Variants in PRORP observed in about 807,000 individuals in gnomAD.
PRORP encodes mitochondrial ribonuclease P catalytic subunit.
In PRORP, 51 loss-of-function variants were observed where a neutral mutation model predicts 59.4. The ratio of observed to expected loss-of-function variants is 0.86; its 90% CI spans 0.69 to 1.08. PRORP has a LOEUF of 1.08. Among genes scored for constraint, PRORP ranks in the 50% least tolerant of loss-of-function variants. PRORP has a pLI of 0.00. For synonymous variants in PRORP, 231 were observed against 245.6 expected (o/e 0.94, Z 0.55); for missense variants, 646 against 690.3 (o/e 0.94, Z 0.72).
intron 4 of PRORP, among the ~76,000 whole-genome samples, chr14:35,170,835 T>C (rs2048296261): frequency 6.6e-6 from 1 of 152,138 alleles, no homozygotes; most frequent in African/African-American, 2.4e-5. Context: ...CATTTCTTTC[T>C]TTCTTTTCTT....
chr14:35,171,163 T>C lies in PRORP; in HGVS notation c.1168-9507T>C, dbSNP rs533280612. Among the ~76,000 whole-genome samples, 5 of 152,274 alleles carry C rather than the reference T, an allele frequency of 3.3e-5. No homozygotes were observed. The South Asian group carries it at 1.0e-3, about 32-fold the overall frequency. ...TGCACCTAGCCTTCTTTCTTTTTTGTAGAGACAGTATCTTGCTGTGTTGCC... is the reference window on the plus strand; with the variant it reads ...TGCACCTAGCCTTCTTTCTTTTTTGCAGAGACAGTATCTTGCTGTGTTGCC... On this transcript the variant is annotated intron_variant, in intron 4 of 7. Coordinates refer to ENST00000534898, the MANE Select transcript of PRORP (RefSeq NM_014672.4).
chr14:35,163,346 C>T lies in PRORP; in HGVS notation c.1168-17324C>T, dbSNP rs59744086. ...CACTCTATTTTAGTTCTGTTTATTT[C>T]TCCCTGAAATGCTGGTTGCAACTGT... On this transcript the variant is annotated intron_variant, in intron 4 of 7. Transcript: ENST00000534898. Among the ~76,000 whole-genome samples the T allele has an allele frequency of 0.019, 2,896 of 152,046 alleles. 290 individuals carry two copies. The East Asian group carries it at 0.32, about 17-fold the overall frequency.
In PRORP at chr14:35,123,976, A is replaced by G. The variant is rs373716530; in HGVS notation, c.731A>G (p.Lys244Arg). 3 of 1,614,048 alleles carry G rather than the reference A, an allele frequency of 1.9e-6. No homozygotes were observed. The African/African-American group carries it at 4.0e-5, about 22-fold the overall frequency. The part of the protein sequence containing the change: ...EDIKKVITPS[K>R]KNYNDCIQGA... The stretch of plus-strand genomic sequence containing the variant: ...ATCAAAAAAGTTATAACTCCTTCAA[A>G]AAAGAACTATAATGACTGTATCCAG... Residue 244 changes from lysine (K) to arginine (R), a missense_variant, in exon 2 of 8, where the codon AAA becomes AGA. Transcript: ENST00000534898.
At chr14:35,176,062 A>G (rs12896940) in intron 4 of PRORP, among the ~76,000 whole-genome samples, 22,610 of 152,028 alleles carry the variant, frequency 0.15, 1,984 homozygotes, top group Non-Finnish European at 0.2. Context: ...GATAAGCGGC[A>G]TTATTTCTGA....
At position 35,123,671 on chromosome 14, in the gene PRORP, T is replaced by C. The variant is rs750804324; in HGVS notation, c.426T>C (p.Ser142=). Reference sequence around the variant, plus strand: ...ACACCGGAAAGACCAGTTTCGAAAGTTGGATCATTTCACAGATGGCTGGCT... The same window carrying C: ...ACACCGGAAAGACCAGTTTCGAAAGCTGGATCATTTCACAGATGGCTGGCT... The part of the protein sequence containing the change: ...KENTGKTSFE[S]WIISQMAGCH... Residue 142 remains serine (S), a synonymous_variant, in exon 2 of 8, where the codon AGT becomes AGC. Transcript: ENST00000534898. 1.2e-6 allele frequency: 2 copies of C among 1,614,196 alleles called. No homozygotes were observed. The highest frequency in any genetic ancestry group is 1.6e-4 in the Middle Eastern group (1 of 6,062).
intron 5 of PRORP, among the ~76,000 whole-genome samples, chr14:35,214,499 GGTTATATAA>G (rs1236483399): frequency 2.6e-5 from 4 of 152,160 alleles, no homozygotes; most frequent in Non-Finnish European, 4.4e-5. Context: ...GAGGTTGTGT[GGTTATATAA>G]GTTATCTATT....
chr14:35,180,781 A>T lies in PRORP; in HGVS notation c.1275+4A>T. ...TAAAGTTCGTGAATCTCAACTTGTAAGTATAAGTTTTACTTTGTTATTCCA... is the reference window on the plus strand; with the variant it reads ...TAAAGTTCGTGAATCTCAACTTGTATGTATAAGTTTTACTTTGTTATTCCA... On this transcript the variant is annotated splice_donor_region_variant and intron_variant, in intron 5 of 7. Transcript: ENST00000534898. 6.4e-7 allele frequency: 1 copy of T among 1,554,252 alleles called. No individual in the cohort carries two copies. Among genetic ancestry groups the T allele is most frequent in the Non-Finnish European group, 8.9e-7 (1 of 1,126,882 alleles).
intron 5 of PRORP, chr14:35,262,593 A>G: frequency 1.4e-6 from 1 of 720,004 alleles, no homozygotes. Context: ...GTGTAGATTC[A>G]GTCTTCTTGG....
At chr14:35,147,034 G>A (rs2047629143) in intron 4 of PRORP, among the ~76,000 whole-genome samples, 2 of 152,092 alleles carry the variant, frequency 1.3e-5, no homozygotes, top group South Asian at 2.1e-4. Flanking sequence ...GGAGTTCAAG[G>A]TTACAATGAG....
In PRORP at chr14:35,122,919, A is replaced by C. The variant is rs150866029; in HGVS notation, c.-294-33A>C. ...GGACAGCTGTGATCCACGTGAGTAA[A>C]ACTGGGCGTTCCGTCTTGTGCTTTT... On this transcript the variant is annotated intron_variant, in intron 1 of 7. Transcript: ENST00000534898. 1.8e-3 allele frequency: 460 copies of C among 253,158 alleles called. 3 individuals are homozygous for C. The highest frequency in any genetic ancestry group is 9.8e-3 in the African/African-American group (448 of 45,528). The allele number at this position is 253,158 out of a possible 1,614,324, so 15.7% of individuals were successfully genotyped here.
chr14:35,150,672 A>G (rs1348431379), intron 4 of PRORP, among the ~76,000 whole-genome samples: 2 of 152,212 alleles, frequency 1.3e-5, no homozygotes, highest in Admixed American at 6.5e-5. Context: ...AGCTTGAAGC[A>G]GTGTACTTTC....
chr14:35,132,673 C>T (rs2047275381), intron 4 of PRORP, among the ~76,000 whole-genome samples: 1 of 150,896 alleles, frequency 6.6e-6, no homozygotes, highest in Admixed American at 6.6e-5. Context: ...TGTAATCCTA[C>T]CTACTCGGGA....
intron 6 of PRORP, among the ~76,000 whole-genome samples, chr14:35,268,458 G>C (rs543128050): frequency 6.6e-6 from 1 of 151,736 alleles, no homozygotes; most frequent in Non-Finnish European, 1.5e-5. Context: ...TCAATGCACT[G>C]TTGTGCATTG....
chr14:35,147,614 G>C (rs935684077), intron 4 of PRORP, among the ~76,000 whole-genome samples: 1 of 152,118 alleles, frequency 6.6e-6, no homozygotes, highest in African/African-American at 2.4e-5. Context: ...CAACATGCTG[G>C]GATTACAGGC....
intron 5 of PRORP, among the ~76,000 whole-genome samples, chr14:35,249,907 C>G (rs1201512284): frequency 6.6e-6 from 1 of 152,124 alleles, no homozygotes; most frequent in Non-Finnish European, 1.5e-5. Flanking sequence ...AGGTCAAAGA[C>G]TAAATCACTT....
chr14:35,123,647 C>T lies in PRORP; in HGVS notation c.402C>T (p.Asn134=). Residue 134 remains asparagine, a synonymous_variant, in exon 2 of 8, where the codon AAC becomes AAT. Transcript: ENST00000534898. ...AACTTAAGGAAGATTTAAAAGAAAA[C>T]ACCGGAAAGACCAGTTTCGAAAGTT... ...WDKLKEDLKE[N]TGKTSFESWI... 1.9e-6 allele frequency: 3 copies of T among 1,614,162 alleles called. No homozygotes were observed. The highest frequency in any genetic ancestry group is 2.5e-6 in the Non-Finnish European group (3 of 1,180,042).
intron 5 of PRORP, among the ~76,000 whole-genome samples, chr14:35,249,612 T>C (rs561791796): frequency 1.3e-5 from 2 of 152,180 alleles, no homozygotes; most frequent in South Asian, 2.1e-4. Context: ...ATTACCTGGC[T>C]TTTTTGTTGT....
intron 4 of PRORP, among the ~76,000 whole-genome samples, chr14:35,130,863 C>G (rs2047222419): frequency 6.6e-6 from 1 of 151,934 alleles, no homozygotes; most frequent in African/African-American, 2.4e-5. Context: ...TGGTCTCAAA[C>G]TCTTGGGCTC....
chr14:35,149,121 G>A (rs368528548), intron 4 of PRORP, among the ~76,000 whole-genome samples: 1,923 of 149,714 alleles, frequency 0.013, 39 homozygotes, highest in African/African-American at 0.042. Context: ...GGGTTTCACC[G>A]TGTTAGCCAG....
Sources: gnomAD v4.1 joint callset for allele counts (sites outside exome capture counted in the v4.1 genomes callset) on GRCh38, gnomAD v4.1.1 for gene constraint, MANE v1.5 for transcripts, NCBI Gene and HGNC (gene_info 2026-07-23, HGNC 2026-07-21) for gene names.